ENPP4: variants seen among roughly 807,000 people sequenced by gnomAD.
The protein encoded by ENPP4 is ectonucleotide pyrophosphatase/phosphodiesterase 4, also known as bis(5'-adenosyl)-triphosphatase ENPP4.
Under a neutral mutation model 33.4 loss-of-function variants are expected in ENPP4, and 18 were observed. The observed-to-expected ratio is 0.54, with a 90% CI of 0.37 to 0.80. ENPP4 has a LOEUF of 0.80. Among genes scored for constraint, ENPP4 ranks in the 30% least tolerant of loss-of-function variants. ENPP4 has a pLI of 0.00. For synonymous variants in ENPP4, 172 were observed against 189.9 expected (o/e 0.91, Z 0.78); for missense variants, 480 against 541.7 (o/e 0.89, Z 1.13).
rs1562061664 is a variant in ENPP4, at chr6:46,144,146, C to T, written c.*506C>T. The T allele has an allele frequency of 1.3e-5, 2 of 151,724 alleles. No individual in the cohort carries two copies. The highest frequency in any genetic ancestry group is 1.3e-4 in the Admixed American group (2 of 15,206). The allele number at this position is 151,724 out of a possible 1,614,324, so 9.4% of individuals were successfully genotyped here. A position where few individuals can be genotyped will look rare whatever the true frequency, so the allele number is the denominator to read the frequency against. ...AATTAGTTTGTATCTCAAGTACCCT[C>T]TTGAGGTAGGAAATGCTCTGTGATG... is the stretch of plus-strand genomic sequence containing the variant. On this transcript the variant is annotated 3_prime_UTR_variant, in exon 4 of 4. Transcript: ENST00000321037.
At chr6:46,140,985 T>C in intron 2 of ENPP4, 67 bp from the exon 3 acceptor site, 1 of 958,626 alleles carries the variant, frequency 1.0e-6, no homozygotes, top group South Asian at 1.7e-5. Flanking sequence ...CCAATTATTC[T>C]AGTTAGACAT....
Position 46,139,684 on chromosome 6 carries a change from A to C in ENPP4, c.101A>C (p.Asp34Ala), listed in dbSNP as rs752642309. 6.2e-7 allele frequency: 1 copy of C among 1,610,378 alleles called. No individual in the cohort carries two copies. The highest frequency in any genetic ancestry group is 8.5e-7 in the Non-Finnish European group (1 of 1,177,270). The change falls in exon 2 of 4, where the codon GAT becomes GCT. Residue 34 changes from aspartate (D) to alanine (A), a missense_variant. Asp to Ala is a moderately radical substitution (Grantham distance 126, BLOSUM62 -2). Transcript: ENST00000321037. ...LPPKLLLVSF[D>A]GFRADYLKNY... ...CCTAAGTTACTACTAGTATCCTTTG[A>C]TGGCTTCAGAGCTGATTATCTGAAG...
At chr6:46,138,244 T>C (rs1486900841) in intron 1 of ENPP4, among the ~76,000 whole-genome samples, 1 of 151,872 alleles carries the variant, frequency 6.6e-6, no homozygotes, top group East Asian at 1.9e-4. Context: ...CAGTTTCAGC[T>C]TAGATGCTGC....
rs868554988 is a variant in ENPP4 at position 46,141,037 on chromosome 6, C to T, written c.827-15C>T. ...TCATAACTTGTTTCCTTTGCTGTTT[C>T]TTTTTTTTTCTCAGATAGAACAGAG... On this transcript the variant is annotated splice_polypyrimidine_tract_variant and intron_variant, in intron 2 of 3. Coordinates refer to ENST00000321037, the MANE Select transcript of ENPP4 (RefSeq NM_014936.5). 6.6e-7 allele frequency: 1 copy of T among 1,504,216 alleles called. No homozygotes were observed. The highest frequency in any genetic ancestry group is 1.5e-5 in the African/African-American group (1 of 67,906). 93.2% of individuals were successfully genotyped at this position (1,504,216 alleles called of 1,614,324 possible).
At chr6:46,139,371 CA>C (rs1356020970) in intron 1 of ENPP4, among the ~76,000 whole-genome samples, 179 bp from the exon 2 acceptor site, 1 of 122,652 alleles carries the variant, frequency 8.2e-6, no homozygotes, top group Non-Finnish European at 1.9e-5. Flanking sequence ...GGAAATTGGA[CA>C]AGACAATTTT....
chr6:46,143,003 TACTC>T (rs1167383850), intron 3 of ENPP4, among the ~76,000 whole-genome samples: 1 of 151,640 alleles, frequency 6.6e-6, no homozygotes, highest in African/African-American at 2.4e-5. Context: ...AAGTAATTGG[TACTC>T]GGGCTGAAAG....
Position 46,144,585 on chromosome 6 carries a change from C to G in ENPP4, c.*945C>G. 1 of 177,530 alleles carries G rather than the reference C, an allele frequency of 5.6e-6. No homozygotes were observed. The highest frequency in any genetic ancestry group is 1.2e-5 in the Non-Finnish European group (1 of 85,100). The allele number at this position is 177,530 out of a possible 1,614,324, so 11.0% of individuals were successfully genotyped here. On this transcript the variant is annotated 3_prime_UTR_variant, in exon 4 of 4. Coordinates refer to ENST00000321037, the MANE Select transcript of ENPP4 (RefSeq NM_014936.5). ...CCTAACTCACAAGTTAAAATCATAA[C>G]TTAATTTCATTAACTTTTATCATTT...
At chr6:46,132,703 T>C (rs1231011012) in intron 1 of ENPP4, among the ~76,000 whole-genome samples, 1 of 152,222 alleles carries the variant, frequency 6.6e-6, no homozygotes, top group African/African-American at 2.4e-5. Flanking sequence ...AAGTCATTGG[T>C]AGCTTGATGG....
rs1764029604 is a variant in ENPP4 at position 46,139,855 on chromosome 6, AT to A, written c.274del (p.Ser92ProfsTer30). 6.2e-7 allele frequency: 1 copy of A among 1,612,654 alleles called. No homozygotes were observed. The highest frequency in any genetic ancestry group is 8.5e-7 in the Non-Finnish European group (1 of 1,179,108). On this transcript the variant is annotated frameshift_variant, in exon 2 of 4. Coordinates refer to ENST00000321037, the MANE Select transcript of ENPP4 (RefSeq NM_014936.5). LOFTEE classifies it high-confidence loss of function. Reference sequence around the variant, plus strand: ...GAAGAAAGCCATGGCATTGTGGCTAATTCCATGTATGATGCAGTCACAAAGA... The same window carrying A: ...GAAGAAAGCCATGGCATTGTGGCTAATCCATGTATGATGCAGTCACAAAGA... ...LYEESHGIVA[N>X]SMYDAVTKKH...
intron 2 of ENPP4, 68 bp from the exon 3 acceptor site, chr6:46,140,984 C>T (rs555377385): frequency 1.1e-6 from 1 of 948,378 alleles, no homozygotes; most frequent in East Asian, 2.5e-5. Flanking sequence ...TCCAATTATT[C>T]TAGTTAGACA....
rs769284364 is a variant in ENPP4, at chr6:46,143,504, C to T, written c.1226C>T (p.Ala409Val). The T allele has an allele frequency of 9.3e-6, 15 of 1,612,676 alleles. No individual in the cohort carries two copies. The highest frequency in any genetic ancestry group is 1.7e-5 in the Admixed American group (1 of 59,902). The change falls in exon 4 of 4, where the codon GCG becomes GTG. Residue 409 changes from alanine (A) to valine (V), a missense_variant. Around this residue, in one of 3 missense-constraint regions of ENPP4, gnomAD observed 249 missense variants for 251.8 expected, o/e 0.99. Transcript: ENST00000321037. Reference sequence around the variant, plus strand: ...TGCATTAATCTCCCAGAAGCCATCGCGATTGTTATCGGTTCACTCTTGGTG... The same window carrying T: ...TGCATTAATCTCCCAGAAGCCATCGTGATTGTTATCGGTTCACTCTTGGTG... ...QWCINLPEAI[A>V]IVIGSLLVLT...
At chr6:46,136,169 A>G (rs1763971558) in intron 1 of ENPP4, among the ~76,000 whole-genome samples, 1 of 152,036 alleles carries the variant, frequency 6.6e-6, no homozygotes, top group South Asian at 2.1e-4. Context: ...AACAAAATTG[A>G]TTAAAGTGTA....
At position 46,143,371 on chromosome 6, in the gene ENPP4, A is replaced by G. The variant is rs374515364; in HGVS notation, c.1093A>G (p.Ile365Val). 48 of 1,612,674 alleles carry G rather than the reference A, an allele frequency of 3.0e-5. No individual in the cohort carries two copies. The highest frequency in any genetic ancestry group is 1.6e-4 in the East Asian group (7 of 44,860). The change falls in exon 4 of 4, where the codon ATT (isoleucine) becomes GTT (valine). Residue 365 changes from isoleucine (I) to valine (V), a missense_variant. Physicochemically the swap from Ile to Val is conservative, Grantham distance 29 (BLOSUM62 3). Coordinates refer to ENST00000321037, the MANE Select transcript of ENPP4 (RefSeq NM_014936.5). ...AFHKGYKHST[I>V]NIVDIYPMMC... ...TCACAAAGGCTACAAGCATAGCACA[A>G]TTAACATTGTGGATATTTATCCAAT...
chr6:46,140,145 C>T lies in ENPP4; in HGVS notation c.562C>T (p.Pro188Ser). ...CTTTGCAACACTATATTGGGAAGAA[C>T]CAGATGCAAGTGGCCACAAATACGG... ...VTFATLYWEEPDASGHKYGPE... is the reference protein window; with the variant it reads ...VTFATLYWEESDASGHKYGPE... Residue 188 changes from proline to serine, a missense_variant, in exon 2 of 4, where the codon CCA becomes TCA. Around this residue, in one of 3 missense-constraint regions of ENPP4, gnomAD observed 227 missense variants for 273.7 expected, o/e 0.83. Coordinates refer to ENST00000321037, the MANE Select transcript of ENPP4 (RefSeq NM_014936.5). 1 of 1,612,426 alleles carries T rather than the reference C, an allele frequency of 6.2e-7. No individual in the cohort carries two copies. The highest frequency in any genetic ancestry group is 8.5e-7 in the Non-Finnish European group (1 of 1,178,970).
At position 46,139,992 on chromosome 6, in the gene ENPP4, C is replaced by T. The variant is rs1764032612; in HGVS notation, c.409C>T (p.Pro137Ser). The T allele has an allele frequency of 6.2e-7, 1 of 1,612,776 alleles. No individual in the cohort carries two copies. Among genetic ancestry groups the T allele is most frequent in the Non-Finnish European group, 8.5e-7 (1 of 1,179,108 alleles). The change falls in exon 2 of 4, where the codon CCT becomes TCT. Residue 137 changes from proline to serine, a missense_variant. Physicochemically the swap from Pro to Ser is moderately conservative, Grantham distance 74 (BLOSUM62 -1). Coordinates refer to ENST00000321037, the MANE Select transcript of ENPP4 (RefSeq NM_014936.5). ...CAGATCAAGTGCTGCTGCTATGTGG[C>T]CTGGTACTGATGTACCCATTCACGA... is the stretch of plus-strand genomic sequence containing the variant. ...ENRSSAAAMWPGTDVPIHDTI... is the reference protein window; with the variant it reads ...ENRSSAAAMWSGTDVPIHDTI...
Position 46,140,059 on chromosome 6 carries a change from C to A in ENPP4, c.476C>A (p.Ser159Ter). ...TTTATGAATTACAACTCCTCAGTGTCATTTGAGGAAAGACTAAATAATATT... is the reference window on the plus strand; with the variant it reads ...TTTATGAATTACAACTCCTCAGTGTAATTTGAGGAAAGACTAAATAATATT... ...SYFMNYNSSV[S>*]FEERLNNITM... The change falls in exon 2 of 4, where the codon TCA (serine) becomes TAA (stop). Residue 159 changes from serine (S) to a stop codon, truncating the protein, a stop_gained. Transcript: ENST00000321037. LOFTEE classifies it high-confidence loss of function. 1 of 1,611,628 alleles carries A rather than the reference C, an allele frequency of 6.2e-7. No homozygotes were observed. Among genetic ancestry groups the A allele is most frequent in the East Asian group, 2.2e-5 (1 of 44,856 alleles).
chr6:46,135,961 T>A (rs999602115), intron 1 of ENPP4, among the ~76,000 whole-genome samples: 1 of 151,990 alleles, frequency 6.6e-6, no homozygotes. Flanking sequence ...TACTGGAAAA[T>A]TTTTGGACAT....
In ENPP4 at chr6:46,140,905, A is replaced by G. The variant is rs1581956378; in HGVS notation, c.827-147A>G. ...GTGTTTGTGTGTATCAGTCCCCAAC[A>G]CTCTCACATTATTATTGCTCTGTTT... On this transcript the variant is annotated intron_variant, in intron 2 of 3. Coordinates refer to ENST00000321037, the MANE Select transcript of ENPP4 (RefSeq NM_014936.5). 3 of 568,480 alleles carry G rather than the reference A, an allele frequency of 5.3e-6. No homozygotes were observed. In the East Asian group the frequency reaches 8.8e-5, roughly 17 times the overall value. 35.2% of individuals were successfully genotyped at this position (568,480 alleles called of 1,614,324 possible). A position where few individuals can be genotyped will look rare whatever the true frequency, so the allele number is the denominator to read the frequency against.
intron 1 of ENPP4, among the ~76,000 whole-genome samples, chr6:46,131,259 C>G (rs934069193): frequency 6.6e-6 from 1 of 152,120 alleles, no homozygotes; most frequent in African/African-American, 2.4e-5. Flanking sequence ...GCTGCACCCA[C>G]TAACCCATCA....
Sources: allele counts gnomAD v4.1 joint callset (sites outside exome capture counted in the v4.1 genomes callset), GRCh38; gene constraint gnomAD v4.1.1; regional missense constraint gnomAD v4.1.1; transcripts MANE v1.5; gene names NCBI Gene and HGNC (gene_info 2026-07-23, HGNC 2026-07-21).